The following DMBX1 variants were observed in gnomAD, a reference collection of about 807,000 sequenced individuals.
DMBX1 encodes the protein diencephalon/mesencephalon homeobox protein 1.
A neutral mutation model predicts 30.4 loss-of-function variants in DMBX1; 7 were observed. The observed-to-expected ratio is 0.23, with a 90% CI of 0.13 to 0.43. The LOEUF is 0.43. DMBX1 is among the 20% of genes least tolerant of loss of function. The pLI is 1.00. For synonymous variants in DMBX1, 222 were observed against 214.2 expected (o/e 1.04, Z -0.32); for missense variants, 460 against 508.5 (o/e 0.90, Z 0.92).
intron 2 of DMBX1, among the ~76,000 whole-genome samples, chr1:46,502,060 A>T (rs1314753363): frequency 6.6e-6 from 1 of 152,112 alleles, no homozygotes; most frequent in African/African-American, 2.4e-5. Context: ...CCTTGAGGTT[A>T]TGGTTATGGT....
rs749749952 is a variant in DMBX1 at position 46,507,156 on chromosome 1, G to A, written c.146G>A (p.Arg49His). ...GTGCATGCGCTTACATTGGCTGAGC[G>A]CCTGGCTGGTAAGGGCCCTGGGGAT... ...PSVHALTLAERLADIILEARY... is the reference protein window; with the variant it reads ...PSVHALTLAEHLADIILEARY... The change falls in exon 3 of 6, where the codon CGC (arginine) becomes CAC (histidine). Residue 49 changes from arginine (R) to histidine (H), a missense_variant. By Grantham distance (29) the Arg-to-His change is conservative. Transcript: ENST00000360032. 5.6e-6 allele frequency: 9 copies of A among 1,614,032 alleles called. No individual in the cohort carries two copies. Among genetic ancestry groups the A allele is most frequent in the Non-Finnish European group, 6.8e-6 (8 of 1,180,028 alleles).
Position 46,507,153 on chromosome 1 carries a change from A to G in DMBX1, c.143A>G (p.Glu48Gly). The stretch of plus-strand genomic sequence containing the variant: ...TCAGTGCATGCGCTTACATTGGCTG[A>G]GCGCCTGGCTGGTAAGGGCCCTGGG... ...RPSVHALTLAERLADIILEAR... is the reference protein window; with the variant it reads ...RPSVHALTLAGRLADIILEAR... The change falls in exon 3 of 6, where the codon GAG becomes GGG. Residue 48 changes from glutamate to glycine, a missense_variant. Physicochemically the swap from Glu to Gly is moderately conservative, Grantham distance 98. Transcript: ENST00000360032. 1 of 1,614,100 alleles carries G rather than the reference A, an allele frequency of 6.2e-7. No homozygotes were observed. The highest frequency in any genetic ancestry group is 1.1e-5 in the South Asian group (1 of 91,082).
chr1:46,490,440 G>T (rs556181714), intron 1 of DMBX1, among the ~76,000 whole-genome samples: 2 of 152,306 alleles, frequency 1.3e-5, no homozygotes, highest in African/African-American at 2.4e-5. Context: ...CGCGGGGAGG[G>T]AGGTGGCCGG....
At chr1:46,503,261 A>G (rs1431034622) in intron 2 of DMBX1, among the ~76,000 whole-genome samples, 1 of 152,150 alleles carries the variant, frequency 6.6e-6, no homozygotes, top group Non-Finnish European at 1.5e-5. Context: ...TCCTGACCAC[A>G]TGTTCTAAAA....
chr1:46,496,864 G>C (rs531899628), intron 2 of DMBX1, among the ~76,000 whole-genome samples: 1 of 152,184 alleles, frequency 6.6e-6, no homozygotes, highest in Non-Finnish European at 1.5e-5. Context: ...TCCCGGGTTC[G>C]TGTATTCATG....
At chr1:46,506,014 A>G (rs1320109331) in intron 2 of DMBX1, among the ~76,000 whole-genome samples, 1 of 152,062 alleles carries the variant, frequency 6.6e-6, no homozygotes, top group African/African-American at 2.4e-5. Flanking sequence ...TCTTATCAGT[A>G]TTCTTATGTT....
chr1:46,512,095 G>C lies in DMBX1; in HGVS notation c.735G>C (p.Leu245=). The C allele has an allele frequency of 6.2e-7, 1 of 1,613,602 alleles. No individual in the cohort carries two copies. Among genetic ancestry groups the C allele is most frequent in the South Asian group, 1.1e-5 (1 of 91,076 alleles). Residue 245 remains leucine (L), a synonymous_variant, in exon 6 of 6, where the codon CTG becomes CTC. Transcript: ENST00000360032. This position sits in a 1 kb window ranked among gnomAD's most constrained non-coding sequence, Gnocchi z 4.8. ...CTGTGGCCCCAGGGGGTGGCCTCCT[G>C]GGCCCCTCCCACTCCTATTCCTCGT... ...ITPVAPGGGL[L]GPSHSYSSSP...
rs140564592 is a variant in DMBX1, at chr1:46,513,792, A to T, written c.*1298A>T. ...GTGCGTGCAAAGCATATAGCAGCAC[A>T]TAGGCTCAGGCTTCTGTAGGCTTCC... On this transcript the variant is annotated 3_prime_UTR_variant, in exon 6 of 6. Transcript: ENST00000360032. The T allele has an allele frequency of 2.0e-5, 3 of 152,322 alleles. No individual in the cohort carries two copies. Among genetic ancestry groups the T allele is most frequent in the African/African-American group, 4.8e-5 (2 of 41,474 alleles). 9.4% of individuals were successfully genotyped at this position (152,322 alleles called of 1,614,324 possible).
intron 3 of DMBX1, among the ~76,000 whole-genome samples, chr1:46,507,644 C>T (rs1385420538): frequency 1.3e-5 from 2 of 152,184 alleles, no homozygotes; most frequent in Non-Finnish European, 2.9e-5. Flanking sequence ...ATCATCCAAT[C>T]CCCATGTGGA....
chr1:46,504,728 A>G (rs35452063), intron 2 of DMBX1, among the ~76,000 whole-genome samples: 1 of 151,006 alleles, frequency 6.6e-6, no homozygotes, highest in Non-Finnish European at 1.5e-5. Flanking sequence ...GAACTTTAAA[A>G]TAGTTTTTTC....
intron 2 of DMBX1, among the ~76,000 whole-genome samples, chr1:46,496,927 G>A (rs896717077): frequency 2.6e-5 from 4 of 152,348 alleles, no homozygotes; most frequent in Admixed American, 6.5e-5. Flanking sequence ...TGCAAAGCAG[G>A]AGGGACGGTT....
intron 2 of DMBX1, among the ~76,000 whole-genome samples, chr1:46,498,719 CAT>C (rs2148483289): frequency 1.3e-5 from 2 of 152,320 alleles, no homozygotes; most frequent in African/African-American, 4.8e-5. Flanking sequence ...CATATACAAT[CAT>C]GTGGCCGATC....
Position 46,510,386 on chromosome 1 carries a change from C to G in DMBX1, c.155-90C>G, listed in dbSNP as rs975371233. 1 of 1,470,084 alleles carries G rather than the reference C, an allele frequency of 6.8e-7. No individual in the cohort carries two copies. The highest frequency in any genetic ancestry group is 9.1e-7 in the Non-Finnish European group (1 of 1,101,424). The allele number at this position is 1,470,084 out of a possible 1,614,324, so 91.1% of individuals were successfully genotyped here. On this transcript the variant is annotated intron_variant, in intron 3 of 5. Transcript: ENST00000360032. The surrounding 1 kb of genome is among the most constrained non-coding windows in gnomAD (Gnocchi z 4.1). ...GCTCTGGCAGCAGCCTGGGTGTCCA[C>G]AGTGGGTCAGAGCAGGATAAGATTC...
At chr1:46,508,074 A>G (rs977751027) in intron 3 of DMBX1, among the ~76,000 whole-genome samples, 1 of 151,634 alleles carries the variant, frequency 6.6e-6, no homozygotes, top group African/African-American at 2.4e-5. Flanking sequence ...AGTGGCATGG[A>G]TGGGGAGTTT....
Position 46,511,128 on chromosome 1 carries a change from T to C in DMBX1, c.527T>C (p.Leu176Pro). Residue 176 changes from leucine to proline, a missense_variant, in exon 5 of 6, where the codon CTG becomes CCG. By Grantham distance (98) the Leu-to-Pro change is moderately conservative. Around this residue, in one of 3 missense-constraint regions of DMBX1, gnomAD observed 334 missense variants for 345.1 expected, o/e 0.97. Transcript: ENST00000360032. ...PGSDPPAELH[L>P]SLSEQSASES... is the part of the protein sequence containing the mutation. ...AGCGACCCCCCTGCTGAGCTTCACC[T>C]GAGTCTGTCTGAGCAGTCAGCCAGT... 1 of 1,613,970 alleles carries C rather than the reference T, an allele frequency of 6.2e-7. No homozygotes were observed. Among genetic ancestry groups the C allele is most frequent in the East Asian group, 2.2e-5 (1 of 44,880 alleles).
In DMBX1 at chr1:46,512,204, G is replaced by T; in HGVS notation, c.844G>T (p.Glu282Ter). The T allele has an allele frequency of 6.2e-7, 1 of 1,614,032 alleles. No homozygotes were observed. The highest frequency in any genetic ancestry group is 1.3e-5 in the African/African-American group (1 of 75,014). Reference sequence around the variant, plus strand: ...CAACCTGGTGCACTACTCGTCCTTCGAAGTAGGGGGTCCGGCCCCTGCTGC... The same window carrying T: ...CAACCTGGTGCACTACTCGTCCTTCTAAGTAGGGGGTCCGGCCCCTGCTGC... ...TNNLVHYSSF[E>*]VGGPAPAAAA... Residue 282 changes from glutamate to a stop codon, truncating the protein, a stop_gained, in exon 6 of 6, where the codon GAA becomes TAA. Transcript: ENST00000360032. LOFTEE classifies it high-confidence loss of function. The surrounding 1 kb of genome is among the most constrained non-coding windows in gnomAD (Gnocchi z 4.8).
chr1:46,511,408 A>C, intron 5 of DMBX1, 125 bp downstream of exon 5: 1 of 1,131,792 alleles, frequency 8.8e-7, no homozygotes. Context: ...TGACCACAGC[A>C]GGCCTGGGCC....
At chr1:46,501,910 C>G (rs201789721) in intron 2 of DMBX1, among the ~76,000 whole-genome samples, 3 of 151,862 alleles carry the variant, frequency 2.0e-5, no homozygotes, top group Admixed American at 2.0e-4. Context: ...ATGAATTCCT[C>G]TATGTCATAT....
chr1:46,501,594 CTGAGCTTTT>C (rs1666140265), intron 2 of DMBX1, among the ~76,000 whole-genome samples: 1 of 152,116 alleles, frequency 6.6e-6, no homozygotes. Flanking sequence ...ATAAATAAGG[CTGAGCTTTT>C]TGTCATGTCA....
Sources: gnomAD v4.1 joint callset for allele counts (sites outside exome capture counted in the v4.1 genomes callset) on GRCh38, gnomAD v4.1.1 for gene constraint, gnomAD v4.1.1 regional missense constraint, Gnocchi (gnomAD v3.1) non-coding constraint, MANE v1.5 for transcripts, NCBI Gene and HGNC (gene_info 2026-07-23, HGNC 2026-07-21) for gene names.